CYFIP1: variants seen among roughly 807,000 people sequenced by gnomAD.
CYFIP1 encodes cytoplasmic FMR1 interacting protein 1.
A neutral mutation model predicts 163.5 loss-of-function variants in CYFIP1; 58 were observed. The ratio of observed to expected loss-of-function variants is 0.35; its 90% CI spans 0.29 to 0.44. The LOEUF (loss-of-function observed/expected upper bound fraction) is 0.44, where lower values mean the gene tolerates loss of function less well. Among genes scored for constraint, CYFIP1 ranks in the 20% least tolerant of loss-of-function variants. CYFIP1 has a pLI of 1.00. For missense variants in CYFIP1, 1,338 were observed against 1,653.8 expected (o/e 0.81, Z 3.31); for synonymous variants, 663 against 660.7 (o/e 1.00, Z -0.05).
At chr15:22,918,326 A>T (rs1027892000) in intron 14 of CYFIP1, among the ~76,000 whole-genome samples, 1 of 151,906 alleles carries the variant, frequency 6.6e-6, no homozygotes, top group Admixed American at 6.6e-5. Context: ...CACCCACATG[A>T]CCAGAGCCTG....
At position 22,882,950 on chromosome 15, in the gene CYFIP1, T is replaced by C; in HGVS notation, c.2738A>G (p.His913Arg). ...GAGAAGCCGGCAGATGACTTGAAAG[T>C]GTGGAGGTCCCACGAAGTTCCGGTA... ...GSYRNFVGPP[H>R]FQVICRLLGY... The change falls in exon 24 of 31, where the codon CAC (histidine) becomes CGC (arginine). Residue 913 changes from histidine to arginine, a missense_variant. Coordinates refer to ENST00000617928, the MANE Select transcript of CYFIP1 (RefSeq NM_014608.6). 1.2e-6 allele frequency: 2 copies of C among 1,614,038 alleles called. No individual in the cohort carries two copies. The highest frequency in any genetic ancestry group is 1.7e-6 in the Non-Finnish European group (2 of 1,179,962).
intron 1 of CYFIP1, among the ~76,000 whole-genome samples, chr15:22,980,027 G>A (rs1304210495): frequency 6.6e-6 from 1 of 152,068 alleles, no homozygotes; most frequent in Non-Finnish European, 1.5e-5. Flanking sequence ...AAGGCCGGGG[G>A]CGCAGGGACC....
chr15:22,891,111 C>T (rs1208167895), intron 23 of CYFIP1, among the ~76,000 whole-genome samples: 2 of 50,912 alleles, frequency 3.9e-5, no homozygotes, highest in African/African-American at 5.6e-5. Flanking sequence ...CATAACATTG[C>T]TAAAAAAAAT....
chr15:22,906,687 G>C (rs12441517), intron 21 of CYFIP1, among the ~76,000 whole-genome samples: 1 of 151,524 alleles, frequency 6.6e-6, no homozygotes, highest in African/African-American at 2.4e-5. Context: ...GGATGGTCTC[G>C]ATCTCCTGAC....
At chr15:22,906,261 C>A (rs1370813552) in intron 21 of CYFIP1, among the ~76,000 whole-genome samples, 1 of 151,612 alleles carries the variant, frequency 6.6e-6, no homozygotes, top group Non-Finnish European at 1.5e-5. Context: ...CATGTGCCAC[C>A]ACGCCCGGCT....
intron 1 of CYFIP1, among the ~76,000 whole-genome samples, chr15:22,977,704 G>A (rs1275687954): frequency 2.0e-5 from 3 of 151,820 alleles, no homozygotes; most frequent in African/African-American, 2.4e-5. Flanking sequence ...GGTGGCAGGC[G>A]CCTGTAATCC....
At chr15:22,883,071 C>A in intron 23 of CYFIP1, 60 bp from the exon 24 acceptor site, 3 of 1,576,262 alleles carry the variant, frequency 1.9e-6, no homozygotes, top group Non-Finnish European at 2.6e-6. Context: ...AGATGAAGAA[C>A]TGTGTGAGAA....
intron 5 of CYFIP1, among the ~76,000 whole-genome samples, chr15:22,943,645 A>C (rs1015457244): frequency 3.9e-5 from 6 of 152,172 alleles, no homozygotes; most frequent in African/African-American, 1.4e-4. Flanking sequence ...CTCCAATAAA[A>C]CGCCTGTAAA....
intron 1 of CYFIP1, among the ~76,000 whole-genome samples, chr15:22,972,284 A>C (rs1296273911): frequency 6.6e-6 from 1 of 152,130 alleles, no homozygotes; most frequent in Non-Finnish European, 1.5e-5. Flanking sequence ...AAAAACAAAA[A>C]AATTAGCTGG....
Position 22,917,816 on chromosome 15 carries a change from C to T in CYFIP1, c.1646G>A (p.Arg549His), listed in dbSNP as rs768633890. ...PKSGFDIKVP[R>H]RAVGPSSTQL... ...AGTGCTGGAGGGTCCCACGGCGCGG[C>T]GTGGTACTTTTATGTCGAAGCCGCT... is the stretch of plus-strand genomic sequence containing the variant. Residue 549 changes from arginine to histidine, a missense_variant, in exon 15 of 31, where the codon CGC becomes CAC. By Grantham distance (29) the Arg-to-His change is conservative. Transcript: ENST00000617928. This position sits in a 1 kb window ranked among gnomAD's most constrained non-coding sequence, Gnocchi z 4.2. 16 of 1,613,150 alleles carry T rather than the reference C, an allele frequency of 9.9e-6. No homozygotes were observed. The highest frequency in any genetic ancestry group is 2.2e-5 in the East Asian group (1 of 44,862).
rs996765169 is a variant in CYFIP1 at position 22,914,265 on chromosome 15, C to T, written c.1985+461G>A. ...GGGGAAGGTCCAGGTTCATCCATCT[C>T]CCTGGTCCAGGCTGAGTCCCCGGGT... On this transcript the variant is annotated intron_variant, in intron 17 of 30. Coordinates refer to ENST00000617928, the MANE Select transcript of CYFIP1 (RefSeq NM_014608.6). Among the ~76,000 whole-genome samples, 3 of 152,152 alleles carry T rather than the reference C, an allele frequency of 2.0e-5. No individual in the cohort carries two copies. The East Asian group carries it at 5.8e-4, about 29-fold the overall frequency.
At chr15:22,977,379 T>C (rs2140289597) in intron 1 of CYFIP1, among the ~76,000 whole-genome samples, 1 of 152,278 alleles carries the variant, frequency 6.6e-6, no homozygotes, top group South Asian at 2.1e-4. Flanking sequence ...TGCCTTTTCT[T>C]TCTTTGTCTG....
In CYFIP1 at chr15:22,910,606, G is replaced by A; in HGVS notation, c.2182C>T (p.Arg728Ter). 6.2e-7 allele frequency: 1 copy of A among 1,614,122 alleles called. No homozygotes were observed. Among genetic ancestry groups the A allele is most frequent in the Non-Finnish European group, 8.5e-7 (1 of 1,179,970 alleles). Residue 728 changes from arginine to a stop codon, truncating the protein, a stop_gained, in exon 20 of 31, where the codon CGA becomes TGA. Transcript: ENST00000617928. LOFTEE classifies it high-confidence loss of function. Reference sequence around the variant, plus strand: ...GCTCCCTGATTCTTGCATTCTGATCGTAACCGTTTATCAAGAAGCAAACTA... The same window carrying A: ...GCTCCCTGATTCTTGCATTCTGATCATAACCGTTTATCAAGAAGCAAACTA... ...AGSLLLDKRL[R>*]SECKNQGATI... is the part of the protein sequence containing the mutation.
intron 13 of CYFIP1, among the ~76,000 whole-genome samples, chr15:22,922,216 G>C (rs373810647): frequency 1.8e-4 from 28 of 152,264 alleles, no homozygotes; most frequent in African/African-American, 5.1e-4. Context: ...GTACCAGTCT[G>C]ATCAGTCTCT....
At chr15:22,888,043 G>A (rs904044303) in intron 23 of CYFIP1, among the ~76,000 whole-genome samples, 8 of 152,204 alleles carry the variant, frequency 5.3e-5, no homozygotes, top group Non-Finnish European at 1.2e-4. Flanking sequence ...ACTAGTTAAT[G>A]TGCTCAAAAG....
intron 1 of CYFIP1, chr15:22,951,609 G>C: frequency 8.0e-7 from 1 of 1,244,932 alleles, no homozygotes; most frequent in Non-Finnish European, 1.0e-6. Context: ...GGAGAGGCCT[G>C]GGGGCGTGTC....
intron 9 of CYFIP1, among the ~76,000 whole-genome samples, chr15:22,935,770 T>A (rs555385360): frequency 6.6e-6 from 1 of 152,294 alleles, no homozygotes; most frequent in Admixed American, 6.5e-5. Context: ...AAAGAGTAGA[T>A]CTTAAGTGTT....
At chr15:22,872,293 C>CAA (rs11327088) in intron 30 of CYFIP1, among the ~76,000 whole-genome samples, 2 of 111,408 alleles carry the variant, frequency 1.8e-5, no homozygotes, top group African/African-American at 3.4e-5. Context: ...GAAACTGTCT[C>CAA]AAAAAAAAAA....
chr15:22,957,417 A>G (rs1567029502), intron 1 of CYFIP1, among the ~76,000 whole-genome samples: 1 of 152,152 alleles, frequency 6.6e-6, no homozygotes. Context: ...CAGGTGGATC[A>G]CGAGGTCAGG....
Sources: gnomAD v4.1 joint callset for allele counts (sites outside exome capture counted in the v4.1 genomes callset) on GRCh38, gnomAD v4.1.1 for gene constraint, Gnocchi (gnomAD v3.1) non-coding constraint, MANE v1.5 for transcripts, NCBI Gene and HGNC (gene_info 2026-07-23, HGNC 2026-07-21) for gene names.